GRID2: variants seen among roughly 807,000 people sequenced by gnomAD.
GRID2 encodes the protein glutamate ionotropic receptor delta type subunit 2.
Under a neutral mutation model 114.8 loss-of-function variants are expected in GRID2, and 33 were observed. The ratio of observed to expected loss-of-function variants is 0.29; its 90% CI spans 0.22 to 0.38. The LOEUF (loss-of-function observed/expected upper bound fraction) is 0.38, where lower values mean the gene tolerates loss of function less well. Ranked by LOEUF, GRID2 falls within the 10% of genes least tolerant of loss-of-function variation. GRID2 has a pLI of 1.00. For synonymous variants in GRID2, 505 were observed against 449.9 expected, an observed-to-expected ratio of 1.12 and a Z score of -1.55; for missense variants, 1,184 against 1,257.7, an observed-to-expected ratio of 0.94 and a Z score of 0.89.
At position 92,731,579 on chromosome 4, in the gene GRID2, T is replaced by G. The variant is rs185986115; in HGVS notation, c.244+141293T>G. Among the ~76,000 whole-genome samples the G allele has an allele frequency of 1.4e-3, 209 of 152,100 alleles. 1 individual carries two copies. Among genetic ancestry groups the G allele is most frequent in the African/African-American group, 4.9e-3 (205 of 41,574 alleles). ...ATCTTCAAACTGATTTTGTAATTTGTTATAGTATTGTTTGGTGTTAGCCTA... is the reference window on the plus strand; with the variant it reads ...ATCTTCAAACTGATTTTGTAATTTGGTATAGTATTGTTTGGTGTTAGCCTA... On this transcript the variant is annotated intron_variant, in intron 2 of 15. Transcript: ENST00000282020.
chr4:92,618,148 T>A (rs557884189), intron 2 of GRID2, among the ~76,000 whole-genome samples: 2 of 151,876 alleles, frequency 1.3e-5, no homozygotes, highest in South Asian at 4.1e-4. Context: ...TATTTTCTAG[T>A]CTTACATTTA....
chr4:92,624,544 A>G (rs1730428009), intron 2 of GRID2, among the ~76,000 whole-genome samples: 1 of 151,706 alleles, frequency 6.6e-6, no homozygotes, highest in South Asian at 2.1e-4. Context: ...TCATCAAAAT[A>G]TTTTTTTCCA....
chr4:92,710,462 T>C (rs1735192713), intron 2 of GRID2, among the ~76,000 whole-genome samples: 1 of 152,212 alleles, frequency 6.6e-6, no homozygotes, highest in Non-Finnish European at 1.5e-5. Context: ...GCTATGTATG[T>C]AATTTTTCTT....
intron 2 of GRID2, among the ~76,000 whole-genome samples, chr4:92,639,104 A>G (rs1015005273): frequency 1.8e-4 from 27 of 151,584 alleles, no homozygotes; most frequent in African/African-American, 5.8e-4. Flanking sequence ...TTGTTTAGAA[A>G]TAACGTATCT....
intron 2 of GRID2, among the ~76,000 whole-genome samples, chr4:92,854,645 A>T (rs1744054808): frequency 1.3e-5 from 2 of 152,032 alleles, no homozygotes; most frequent in African/African-American, 4.8e-5. Flanking sequence ...AGTCAGGAAA[A>T]GTAAACTTTA....
intron 1 of GRID2, among the ~76,000 whole-genome samples, chr4:92,550,817 T>C (rs1038738466): frequency 1.3e-5 from 2 of 152,178 alleles, no homozygotes; most frequent in Non-Finnish European, 2.9e-5. Context: ...CATTTTAAGA[T>C]AATATTAATG....
intron 13 of GRID2, among the ~76,000 whole-genome samples, chr4:93,567,045 C>T (rs567151072): frequency 2.6e-5 from 4 of 152,142 alleles, no homozygotes; most frequent in Admixed American, 2.6e-4. Context: ...CTCTTTTGCC[C>T]CCTTCTCCAC....
chr4:92,571,983 C>A (rs1727645608), intron 1 of GRID2, among the ~76,000 whole-genome samples: 1 of 151,976 alleles, frequency 6.6e-6, no homozygotes, highest in Non-Finnish European at 1.5e-5. Context: ...ACTAGAGAAG[C>A]AAGAACAAAC....
At chr4:92,693,738 C>T (rs1200823455) in intron 2 of GRID2, among the ~76,000 whole-genome samples, 2 of 152,088 alleles carry the variant, frequency 1.3e-5, no homozygotes, top group African/African-American at 4.8e-5. Flanking sequence ...GAAAATGGTG[C>T]TTAACATATT....
intron 13 of GRID2, among the ~76,000 whole-genome samples, chr4:93,621,909 T>C (rs542984769): frequency 7.5e-4 from 113 of 150,188 alleles, no homozygotes; most frequent in Non-Finnish European, 1.2e-3. Flanking sequence ...AGGATAATGT[T>C]ACTATACATT....
intron 8 of GRID2, among the ~76,000 whole-genome samples, chr4:93,263,474 T>C (rs1750477827): frequency 1.3e-5 from 2 of 152,060 alleles, no homozygotes; most frequent in Non-Finnish European, 2.9e-5. Flanking sequence ...GGACATTTTT[T>C]CCAAAATAAT....
chr4:93,581,167 C>T (rs1282346045), intron 13 of GRID2, among the ~76,000 whole-genome samples: 3 of 139,624 alleles, frequency 2.1e-5, no homozygotes, highest in Non-Finnish European at 4.6e-5. Flanking sequence ...CATTGTTCAA[C>T]TCCCGCTTAT....
intron 2 of GRID2, among the ~76,000 whole-genome samples, chr4:92,912,645 T>A (rs1748476252): frequency 6.6e-6 from 1 of 151,862 alleles, no homozygotes; most frequent in African/African-American, 2.4e-5. Flanking sequence ...TTAACATTAT[T>A]CTGATTTTTA....
intron 2 of GRID2, among the ~76,000 whole-genome samples, chr4:92,926,707 G>C (rs1560709303): frequency 6.6e-6 from 1 of 151,896 alleles, no homozygotes; most frequent in Non-Finnish European, 1.5e-5. Context: ...TGCTAAAAGA[G>C]AACATCTGAG....
rs1737807727 is a variant in GRID2 at position 93,588,779 on chromosome 4, A to G, written c.2194-37490A>G. On this transcript the variant is annotated intron_variant, in intron 13 of 15. Coordinates refer to ENST00000282020, the MANE Select transcript of GRID2 (RefSeq NM_001510.4). ...CTGAGAAATGTTTAAAAATACTTGC[A>G]TTCCCTGACAACAAGATAAATTTGT... is the stretch of plus-strand genomic sequence containing the variant. 2.6e-5 allele frequency among the ~76,000 whole-genome samples: 4 copies of G among 152,174 alleles called. No homozygotes were observed. The South Asian group carries it at 8.3e-4, about 31-fold the overall frequency.
chr4:92,899,602 A>G (rs1747421516), intron 2 of GRID2, among the ~76,000 whole-genome samples: 1 of 152,106 alleles, frequency 6.6e-6, no homozygotes, highest in Non-Finnish European at 1.5e-5. Flanking sequence ...ATTTTGTTTT[A>G]TTCATTTACA....
At chr4:92,883,425 TTGA>T (rs1349128923) in intron 2 of GRID2, among the ~76,000 whole-genome samples, 1 of 152,196 alleles carries the variant, frequency 6.6e-6, no homozygotes, top group Non-Finnish European at 1.5e-5. Context: ...CCTTTTAATG[TTGA>T]TATTTTGACC....
At chr4:92,719,069 C>A (rs2149315993) in intron 2 of GRID2, among the ~76,000 whole-genome samples, 1 of 152,076 alleles carries the variant, frequency 6.6e-6, no homozygotes, top group Non-Finnish European at 1.5e-5. Context: ...TCACTTCAAC[C>A]TCTGCCTTCG....
chr4:92,570,318 T>G (rs989286505), intron 1 of GRID2, among the ~76,000 whole-genome samples: 5 of 152,136 alleles, frequency 3.3e-5, no homozygotes, highest in Non-Finnish European at 5.9e-5. Flanking sequence ...GGTCTATGTG[T>G]CTGTTTCTAT....
Sources: allele counts gnomAD v4.1 joint callset (sites outside exome capture counted in the v4.1 genomes callset), GRCh38; gene constraint gnomAD v4.1.1; transcripts MANE v1.5; gene names NCBI Gene and HGNC (gene_info 2026-07-23, HGNC 2026-07-21).